DCPS: variants seen among roughly 807,000 people sequenced by gnomAD.
DCPS encodes decapping enzyme, scavenger.
DCPS carries 27 observed loss-of-function variants against 34.7 expected under a neutral mutation model. The observed-to-expected ratio is 0.78, with a 90% CI of 0.57 to 1.07. DCPS has a LOEUF of 1.07. Ranked by LOEUF, DCPS falls within the 50% of genes least tolerant of loss-of-function variation. The pLI is 0.00. For synonymous variants in DCPS, 185 were observed against 185.7 expected, an observed-to-expected ratio of 1.00 and a Z score of 0.03; for missense variants, 464 against 436.9, an observed-to-expected ratio of 1.06 and a Z score of -0.55.
rs1338790346 is a variant in DCPS, at chr11:126,328,655, GCCCGGCTGGGTGACCCTGCCCGCAGAA to G, written c.377-2741_377-2715del. ...AGCAGCCAGGAGCCCCAGGCTGGGAGCCCGGCTGGGTGACCCTGCCCGCAGAACCCGGCTGCTCTCCAGCGCCCGCTC... is the reference window on the plus strand; with the variant it reads ...AGCAGCCAGGAGCCCCAGGCTGGGAGCCCGGCTGCTCTCCAGCGCCCGCTC... On this transcript the variant is annotated intron_variant, in intron 2 of 5. Coordinates refer to ENST00000263579, the MANE Select transcript of DCPS (RefSeq NM_014026.6). The surrounding 1 kb of genome is among the most constrained non-coding windows in gnomAD (Gnocchi z 6.6). 6.6e-6 allele frequency among the ~76,000 whole-genome samples: 1 copy of G among 152,116 alleles called. No homozygotes were observed. Among genetic ancestry groups the G allele is most frequent in the Non-Finnish European group, 1.5e-5 (1 of 68,002 alleles).
Position 126,330,236 on chromosome 11 carries a change from A to G in DCPS, c.377-1169A>G, listed in dbSNP as rs899705838. Among the ~76,000 whole-genome samples, 3 of 152,228 alleles carry G rather than the reference A, an allele frequency of 2.0e-5. No individual in the cohort carries two copies. In the East Asian group the frequency reaches 5.8e-4, roughly 29 times the overall value. ...TCTGGAGACATTTTGGGTTGTCACA[A>G]CTTGGGGAGGGTGCTACTAACATCC... is the stretch of plus-strand genomic sequence containing the variant. On this transcript the variant is annotated intron_variant, in intron 2 of 5. Coordinates refer to ENST00000263579, the MANE Select transcript of DCPS (RefSeq NM_014026.6).
rs1203317494 is a variant in DCPS, at chr11:126,348,545, C to G, written c.*2932C>G. Among the ~76,000 whole-genome samples, 2 of 152,258 alleles carry G rather than the reference C, an allele frequency of 1.3e-5. No homozygotes were observed. The highest frequency in any genetic ancestry group is 3.8e-4 in the East Asian group (2 of 5,200). On this transcript the variant is annotated 3_prime_UTR_variant, in exon 6 of 6. Coordinates refer to ENST00000263579, the MANE Select transcript of DCPS (RefSeq NM_014026.6). This position sits in a 1 kb window ranked among gnomAD's most constrained non-coding sequence, Gnocchi z 5.3. Reference sequence around the variant, plus strand: ...CAACCCTCTTTGGGCTTATCACCCTCAAGGTCTAGAGTGCACCAGGGTTGG... The same window carrying G: ...CAACCCTCTTTGGGCTTATCACCCTGAAGGTCTAGAGTGCACCAGGGTTGG...
chr11:126,338,337 G>A lies in DCPS; in HGVS notation c.574G>A (p.Glu192Lys), dbSNP rs139170738. 1.4e-5 allele frequency: 22 copies of A among 1,614,030 alleles called. No homozygotes were observed. Among genetic ancestry groups the A allele is most frequent in the East Asian group, 2.2e-5 (1 of 44,894 alleles). The change falls in exon 4 of 6, where the codon GAG (glutamate) becomes AAG (lysine). Residue 192 changes from glutamate to lysine, a missense_variant. Glu to Lys is a moderately conservative substitution (Grantham distance 56). Transcript: ENST00000263579. This position sits in a 1 kb window ranked among gnomAD's most constrained non-coding sequence, Gnocchi z 5.4. The stretch of plus-strand genomic sequence containing the variant: ...GGCTGAAGCGGACCGGATTGTTTTC[G>A]AGAACCCAGATCCCTCTGATGGTTT... Reference protein sequence around the residue: ...KKAEADRIVFENPDPSDGFVL... With the variant: ...KKAEADRIVFKNPDPSDGFVL...
chr11:126,346,581 A>G lies in DCPS; in HGVS notation c.*968A>G, dbSNP rs1427287051. ...TAAACACACAGGCTCTCTCCAGCAC[A>G]CAGGACCAAGGCATCATGCTGCCAG... On this transcript the variant is annotated 3_prime_UTR_variant, in exon 6 of 6. Transcript: ENST00000263579. The surrounding 1 kb of genome is among the most constrained non-coding windows in gnomAD (Gnocchi z 4.1). Among the ~76,000 whole-genome samples, 1 of 152,230 alleles carries G rather than the reference A, an allele frequency of 6.6e-6. No individual in the cohort carries two copies. The highest frequency in any genetic ancestry group is 1.5e-5 in the Non-Finnish European group (1 of 68,048).
intron 1 of DCPS, among the ~76,000 whole-genome samples, chr11:126,304,851 C>T (rs1951550173): frequency 6.6e-6 from 1 of 152,234 alleles, no homozygotes. Context: ...GAGACAGATA[C>T]ACACAGCTTG....
In DCPS at chr11:126,312,517, T is replaced by G. The variant is rs1284709237; in HGVS notation, c.376+5773T>G. Among the ~76,000 whole-genome samples, 2 of 151,840 alleles carry G rather than the reference T, an allele frequency of 1.3e-5. No homozygotes were observed. Among genetic ancestry groups the G allele is most frequent in the Non-Finnish European group, 2.9e-5 (2 of 67,982 alleles). ...CCACACCCAGCTAATTTTTTTGTATTTTTAATAGAGATGGGTTTTCACCAC... is the reference window on the plus strand; with the variant it reads ...CCACACCCAGCTAATTTTTTTGTATGTTTAATAGAGATGGGTTTTCACCAC... On this transcript the variant is annotated intron_variant, in intron 2 of 5. Transcript: ENST00000263579. The surrounding 1 kb of genome is among the most constrained non-coding windows in gnomAD (Gnocchi z 5.1).
chr11:126,341,134 TG>T (rs1243507685), intron 4 of DCPS: 4 of 152,270 alleles, frequency 2.6e-5, no homozygotes, highest in Non-Finnish European at 5.9e-5. Flanking sequence ...TTAAATTCTT[TG>T]GTCTAAAGTT....
intron 2 of DCPS, among the ~76,000 whole-genome samples, chr11:126,330,319 A>C (rs982792310): frequency 6.6e-6 from 1 of 152,160 alleles, no homozygotes; most frequent in African/African-American, 2.4e-5. Context: ...CAGCCCCTGC[A>C]ACAGAATTAT....
Position 126,332,418 on chromosome 11 carries a change from C to T in DCPS, c.522+868C>T, listed in dbSNP as rs1169416057. Among the ~76,000 whole-genome samples, 1 of 152,238 alleles carries T rather than the reference C, an allele frequency of 6.6e-6. No homozygotes were observed. The highest frequency in any genetic ancestry group is 1.5e-5 in the Non-Finnish European group (1 of 68,034). ...TTGATGAGTCAGTTTCTTGCCCACT[C>T]ACTGACTCTGACACTGTGCCTTGTC... On this transcript the variant is annotated intron_variant, in intron 3 of 5. Coordinates refer to ENST00000263579, the MANE Select transcript of DCPS (RefSeq NM_014026.6). The surrounding 1 kb of genome is among the most constrained non-coding windows in gnomAD (Gnocchi z 5.4).
chr11:126,349,841 T>G lies in DCPS; in HGVS notation c.*4228T>G, dbSNP rs1951975201. Among the ~76,000 whole-genome samples the G allele has an allele frequency of 6.6e-6, 1 of 152,264 alleles. No individual in the cohort carries two copies. The highest frequency in any genetic ancestry group is 2.1e-4 in the South Asian group (1 of 4,834). ...AAAATAAATGTTGGCAACCCTAAGT[T>G]TGTTCTATTATAATATTATTGAAAT... On this transcript the variant is annotated 3_prime_UTR_variant, in exon 6 of 6. Coordinates refer to ENST00000263579, the MANE Select transcript of DCPS (RefSeq NM_014026.6). The surrounding 1 kb of genome is among the most constrained non-coding windows in gnomAD (Gnocchi z 5.4).
intron 1 of DCPS, among the ~76,000 whole-genome samples, chr11:126,305,790 G>A (rs978642020): frequency 2.4e-4 from 37 of 151,970 alleles, no homozygotes; most frequent in African/African-American, 8.5e-4. Context: ...TTTTGTATGC[G>A]ATTCTGTCTG....
chr11:126,315,936 C>G lies in DCPS; in HGVS notation c.376+9192C>G, dbSNP rs1166907937. On this transcript the variant is annotated intron_variant, in intron 2 of 5. Transcript: ENST00000263579. This position sits in a 1 kb window ranked among gnomAD's most constrained non-coding sequence, Gnocchi z 6.1. ...ATCATGTTGGCCAGGCTATCTCAAA[C>G]TCCTGACCTCAAGTGATCTGCCCAC... Among the ~76,000 whole-genome samples the G allele has an allele frequency of 6.6e-6, 1 of 152,040 alleles. No homozygotes were observed. The highest frequency in any genetic ancestry group is 1.5e-5 in the Non-Finnish European group (1 of 68,032).
At position 126,346,872 on chromosome 11, in the gene DCPS, GGA is replaced by G. The variant is rs1297065728; in HGVS notation, c.*1264_*1265del. ...CCTGCTGTGGACCCCCATGGTCCTG[GGA>G]GAGACTCCTTAGAAACAGCAGAATC... is the stretch of plus-strand genomic sequence containing the variant. On this transcript the variant is annotated 3_prime_UTR_variant, in exon 6 of 6. Transcript: ENST00000263579. This position sits in a 1 kb window ranked among gnomAD's most constrained non-coding sequence, Gnocchi z 4.1. Among the ~76,000 whole-genome samples the G allele has an allele frequency of 1.3e-5, 2 of 152,074 alleles. No individual in the cohort carries two copies. The highest frequency in any genetic ancestry group is 2.4e-5 in the African/African-American group (1 of 41,400).
In DCPS at chr11:126,334,834, A is replaced by G. The variant is rs1951818312; in HGVS notation, c.522+3284A>G. Among the ~76,000 whole-genome samples the G allele has an allele frequency of 6.6e-6, 1 of 152,126 alleles. No individual in the cohort carries two copies. The highest frequency in any genetic ancestry group is 2.1e-4 in the South Asian group (1 of 4,828). ...AGCCTTTGAGATCATCTAGTTACAA[A>G]TGTCTGTTTGTGAGTCATCCAGCTA... is the stretch of plus-strand genomic sequence containing the variant. On this transcript the variant is annotated intron_variant, in intron 3 of 5. Transcript: ENST00000263579. The surrounding 1 kb of genome is among the most constrained non-coding windows in gnomAD (Gnocchi z 5.5).
intron 2 of DCPS, among the ~76,000 whole-genome samples, chr11:126,314,675 A>G (rs1394849305): frequency 6.6e-6 from 1 of 152,172 alleles, no homozygotes; most frequent in East Asian, 1.9e-4. Context: ...AAGGAATGAA[A>G]TAATGGCATT....
chr11:126,339,622 G>A (rs1331255698), intron 4 of DCPS, among the ~76,000 whole-genome samples: 1 of 152,276 alleles, frequency 6.6e-6, no homozygotes, highest in Non-Finnish European at 1.5e-5. Context: ...CTAGAGCCAA[G>A]TAAGTTCAAA....
Position 126,304,193 on chromosome 11 carries a change from C to T in DCPS, c.113C>T (p.Ala38Val). ...KEAGVGNGTC[A>V]PVRLPFSGFR... ...GCAGGAGTTGGAAATGGTACCTGTG[C>T]TCCTGTCCGCTTACCGTTCTCCGGC... is the stretch of plus-strand genomic sequence containing the variant. The change falls in exon 1 of 6, where the codon GCT (alanine) becomes GTT (valine). Residue 38 changes from alanine to valine, a missense_variant. Coordinates refer to ENST00000263579, the MANE Select transcript of DCPS (RefSeq NM_014026.6). 1.2e-6 allele frequency: 2 copies of T among 1,614,264 alleles called. No homozygotes were observed. The highest frequency in any genetic ancestry group is 1.7e-6 in the Non-Finnish European group (2 of 1,180,046).
rs1051848098 is a variant in DCPS at position 126,346,901 on chromosome 11, C to T, written c.*1288C>T. Among the ~76,000 whole-genome samples the T allele has an allele frequency of 7.2e-5, 11 of 152,022 alleles. No individual in the cohort carries two copies. The highest frequency in any genetic ancestry group is 1.5e-4 in the Non-Finnish European group (10 of 68,016). On this transcript the variant is annotated 3_prime_UTR_variant, in exon 6 of 6. Coordinates refer to ENST00000263579, the MANE Select transcript of DCPS (RefSeq NM_014026.6). This position sits in a 1 kb window ranked among gnomAD's most constrained non-coding sequence, Gnocchi z 4.1. The stretch of plus-strand genomic sequence containing the variant: ...AGACTCCTTAGAAACAGCAGAATCA[C>T]GAACATGGTGAAACCCATCTCTACT...
At chr11:126,340,025 A>T (rs1002301967) in intron 4 of DCPS, among the ~76,000 whole-genome samples, 5 of 152,320 alleles carry the variant, frequency 3.3e-5, no homozygotes, top group Admixed American at 3.3e-4. Context: ...AAGGTCATGG[A>T]GGGACAACAA....
Sources: allele counts gnomAD v4.1 joint callset (sites outside exome capture counted in the v4.1 genomes callset), GRCh38; gene constraint gnomAD v4.1.1; non-coding constraint Gnocchi (gnomAD v3.1); transcripts MANE v1.5; gene names NCBI Gene and HGNC (gene_info 2026-07-23, HGNC 2026-07-21).